MAGEC3: variants seen among roughly 807,000 people sequenced by gnomAD.
MAGEC3 encodes the protein MAGE family member C3.
A neutral mutation model predicts 35.3 loss-of-function variants in MAGEC3; 34 were observed. The ratio of observed to expected loss-of-function variants is 0.96; its 90% confidence interval spans 0.73 to 1.28. The LOEUF is 1.28. Ranked by LOEUF, MAGEC3 falls within the 50% of genes most tolerant of loss-of-function variation. MAGEC3 has a pLI of 0.00. For missense variants in MAGEC3, 561 were observed against 483.6 expected (o/e 1.16, Z -1.50); for synonymous variants, 202 against 185.6 (o/e 1.09, Z -0.72).
chrX:141,865,444 C>T, intron 1 of MAGEC3, 27 bp from the exon 2 acceptor site: 3 of 1,195,540 alleles, frequency 2.5e-6, no homozygotes, highest in Non-Finnish European at 3.4e-6. Flanking sequence ...CCAGCCTAGT[C>T]CTGCCCCTGA....
chrX:141,843,512 C>T (rs1235222715), intron 1 of MAGEC3, among the ~76,000 whole-genome samples: 1 of 111,542 alleles, frequency 9.0e-6, no homozygotes, highest in Non-Finnish European at 1.9e-5. Flanking sequence ...AGAGAAAGCT[C>T]ATCTTCTCTA....
intron 1 of MAGEC3, among the ~76,000 whole-genome samples, chrX:141,864,421 A>G (rs761326036): frequency 9.0e-6 from 1 of 111,193 alleles, no homozygotes; most frequent in South Asian, 3.8e-4. Context: ...CAGTAATGGT[A>G]TTTCTGAGTC....
chrX:141,896,684 G>A, intron 6 of MAGEC3, 198 bp from the exon 7 acceptor site: 2 of 1,211,371 alleles, frequency 1.7e-6, no homozygotes, highest in Non-Finnish European at 2.2e-6. Context: ...CCACGCCTCA[G>A]CTTTGAGGAA....
Position 141,897,457 on chromosome X carries a change from G to A in MAGEC3, c.1699G>A (p.Val567Ile), listed in dbSNP as rs143730187. 2.0e-5 allele frequency: 24 copies of A among 1,207,663 alleles called. No individual in the cohort carries two copies. The highest frequency in any genetic ancestry group is 2.7e-5 in the Non-Finnish European group (24 of 894,158). ...AAAGGGCAGCTGTGTCCCCGAGGAG[G>A]TCATCTGGGAAGTGTTGAGTGCAAT... The part of the protein sequence containing the change: ...FIKGSCVPEE[V>I]IWEVLSAIGP... The change falls in exon 7 of 8, where the codon GTC (valine) becomes ATC (isoleucine). Residue 567 changes from valine (V) to isoleucine (I), a missense_variant. Physicochemically the swap from Val to Ile is conservative, Grantham distance 29. Coordinates refer to ENST00000298296, the MANE Select transcript of MAGEC3 (RefSeq NM_138702.1).
At chrX:141,891,733 G>T (rs1301172638) in intron 4 of MAGEC3, among the ~76,000 whole-genome samples, 3 of 103,134 alleles carry the variant, frequency 2.9e-5, no homozygotes, top group Non-Finnish European at 5.9e-5. Flanking sequence ...ATTTATATAT[G>T]CATATATTTA....
At chrX:141,868,173 G>C (rs1001319356) in intron 2 of MAGEC3, among the ~76,000 whole-genome samples, 8 of 110,853 alleles carry the variant, frequency 7.2e-5, no homozygotes, top group African/African-American at 2.6e-4. Context: ...GTGAGGTAGG[G>C]GTGAGATTGA....
intron 4 of MAGEC3, among the ~76,000 whole-genome samples, chrX:141,885,810 T>C (rs867578402): frequency 9.1e-6 from 1 of 110,479 alleles, no homozygotes; most frequent in Non-Finnish European, 1.9e-5. Flanking sequence ...TCCAAATGCT[T>C]AGGGAAATTG....
At chrX:141,878,668 G>A (rs2017935983) in intron 2 of MAGEC3, among the ~76,000 whole-genome samples, 1 of 112,108 alleles carries the variant, frequency 8.9e-6, no homozygotes, top group Non-Finnish European at 1.9e-5. Context: ...ATGACACAGA[G>A]GAAGGACTGG....
Position 141,881,472 on chromosome X carries a change from T to TCTC in MAGEC3, c.589_591dup (p.Leu197dup), listed in dbSNP as rs774050335. 8.3e-7 allele frequency: 1 copy of TCTC among 1,210,547 alleles called. No homozygotes were observed. ...AGGTGGACAAGTTGGTGCAGTTTCT[T>TCTC]CTCCTCAAATATCAAGCAAAAGAGC... On this transcript the variant is annotated inframe_insertion, in exon 4 of 8. Transcript: ENST00000298296.
At chrX:141,847,942 A>G (rs1377849221) in intron 1 of MAGEC3, among the ~76,000 whole-genome samples, 3 of 111,098 alleles carry the variant, frequency 2.7e-5, no homozygotes, top group Non-Finnish European at 5.7e-5. Context: ...GAAAATGAAA[A>G]CAAAATTGAC....
chrX:141,889,796 G>T (rs2018028065), intron 4 of MAGEC3, among the ~76,000 whole-genome samples: 1 of 112,076 alleles, frequency 8.9e-6, no homozygotes, highest in African/African-American at 3.2e-5. Context: ...GCCTGCCAAG[G>T]GGTTTGCTGA....
At chrX:141,858,769 A>G (rs11095906) in intron 1 of MAGEC3, among the ~76,000 whole-genome samples, 2,375 of 110,872 alleles carry the variant, frequency 0.021, 61 homozygotes, top group African/African-American at 0.073. Context: ...ATAAAACTAT[A>G]TATATAGTGT....
At chrX:141,869,075 C>T (rs948241851) in intron 2 of MAGEC3, among the ~76,000 whole-genome samples, 1 of 107,779 alleles carries the variant, frequency 9.3e-6, no homozygotes, top group Non-Finnish European at 1.9e-5. Context: ...TAGTAGAGAT[C>T]GGGTTTCACC....
At chrX:141,881,842 C>T in intron 4 of MAGEC3, 46 bp downstream of exon 4, 1 of 1,204,187 alleles carries the variant, frequency 8.3e-7, no homozygotes, top group Non-Finnish European at 1.1e-6. Flanking sequence ...GCCCAGGGAG[C>T]TTGTCACTAA....
rs2017982825 is a variant in MAGEC3 at position 141,883,772 on chromosome X, C to T, written c.909+1976C>T. 2.7e-5 allele frequency among the ~76,000 whole-genome samples: 3 copies of T among 112,969 alleles called. No homozygotes were observed. In the Admixed American group the frequency reaches 2.8e-4, roughly 11 times the overall value. On this transcript the variant is annotated intron_variant, in intron 4 of 7. Transcript: ENST00000298296. ...TGGAAATCACTTTGTAAATAAATTA[C>T]AAGGAGCTGAATTTCTAAAAACAGA...
At chrX:141,863,346 CAG>C (rs201335462) in intron 1 of MAGEC3, among the ~76,000 whole-genome samples, 1,833 of 111,078 alleles carry the variant, frequency 0.017, 10 homozygotes, top group Middle Eastern at 0.038. Context: ...AGATGGGACA[CAG>C]GGGCATTTTA....
intron 1 of MAGEC3, among the ~76,000 whole-genome samples, chrX:141,849,888 A>G (rs182493545): frequency 1.2e-3 from 131 of 111,489 alleles, no homozygotes; most frequent in Non-Finnish European, 2.0e-3. Flanking sequence ...ACTCAAAGGA[A>G]TAGAAATTAT....
At chrX:141,896,680 C>G in intron 6 of MAGEC3, 2 of 1,211,326 alleles carry the variant, frequency 1.7e-6, no homozygotes, top group Admixed American at 2.2e-5. Context: ...CCTTCCACGC[C>G]TCAGCTTTGA....
chrX:141,886,344 C>T (rs901560237), intron 4 of MAGEC3, among the ~76,000 whole-genome samples: 1 of 111,169 alleles, frequency 9.0e-6, no homozygotes, highest in African/African-American at 3.3e-5. Context: ...GACCCAGAAC[C>T]CCCTGAATGA....
Sources: allele counts gnomAD v4.1 joint callset (sites outside exome capture counted in the v4.1 genomes callset), GRCh38; gene constraint gnomAD v4.1.1; transcripts MANE v1.5; gene names NCBI Gene and HGNC (gene_info 2026-07-23, HGNC 2026-07-21).